The following RYR3 variants were observed in gnomAD, a reference collection of about 807,000 sequenced individuals.
The protein encoded by RYR3 is ryanodine receptor 3, also known as brain ryanodine receptor-calcium release channel.
A neutral mutation model predicts 584.3 loss-of-function variants in RYR3; 207 were observed. That is an observed-to-expected ratio of 0.35 (90% CI 0.32 to 0.40). The LOEUF (loss-of-function observed/expected upper bound fraction) is 0.40. Ranked by LOEUF, RYR3 falls within the 10% of genes least tolerant of loss-of-function variation. The pLI, the probability that RYR3 is intolerant of heterozygous loss-of-function variation, is 1.00. For synonymous variants in RYR3, 2,416 were observed against 2,248.5 expected (o/e 1.07, Z -2.11); for missense variants, 5,616 against 6,089.2 (o/e 0.92, Z 2.59).
At chr15:33,321,592 C>T (rs892678405) in intron 1 of RYR3, among the ~76,000 whole-genome samples, 1 of 152,142 alleles carries the variant, frequency 6.6e-6, no homozygotes, top group African/African-American at 2.4e-5. Flanking sequence ...GCTGATGGCA[C>T]CTTGTTTTTG....
intron 67 of RYR3, 85 bp downstream of exon 67, chr15:33,788,543 T>A: frequency 6.7e-7 from 1 of 1,495,710 alleles, no homozygotes. Flanking sequence ...TGGTGTTGGG[T>A]TGTTAACAGT....
intron 1 of RYR3, among the ~76,000 whole-genome samples, chr15:33,438,037 A>G (rs1567236313): frequency 6.6e-6 from 1 of 152,018 alleles, no homozygotes; most frequent in Non-Finnish European, 1.5e-5. Context: ...GTATTATTGT[A>G]TTTCTCTCTC....
intron 1 of RYR3, among the ~76,000 whole-genome samples, chr15:33,436,473 T>C (rs977381105): frequency 2.2e-4 from 34 of 152,092 alleles, no homozygotes; most frequent in Non-Finnish European, 3.7e-4. Flanking sequence ...TATGTGTTAC[T>C]TTATCTGCCT....
At chr15:33,592,135 C>T (rs1309571551) in intron 16 of RYR3, among the ~76,000 whole-genome samples, 1 of 152,182 alleles carries the variant, frequency 6.6e-6, no homozygotes. Context: ...AGGCCTAACT[C>T]CTGTGACACA....
rs2061184667 is a variant in RYR3, at chr15:33,629,934, A to G, written c.2680-6A>G. ...AAATCACATTCTTTCTTATGTCACC[A>G]CCTAGATACGAGATGACAATAAAAG... On this transcript the variant is annotated splice_region_variant and splice_polypyrimidine_tract_variant and intron_variant, in intron 21 of 103. Transcript: ENST00000634891. The G allele has an allele frequency of 6.6e-7, 1 of 1,524,746 alleles. No homozygotes were observed. The allele number at this position is 1,524,746 out of a possible 1,614,324, so 94.5% of individuals were successfully genotyped here. A position where few individuals can be genotyped will look rare whatever the true frequency, so the allele number is the denominator to read the frequency against.
chr15:33,604,281 G>A (rs1392693190), intron 18 of RYR3, among the ~76,000 whole-genome samples: 1 of 152,228 alleles, frequency 6.6e-6, no homozygotes, highest in Non-Finnish European at 1.5e-5. Context: ...ATTTTCTTCT[G>A]TAACTGGTAG....
At chr15:33,424,939 CAAG>C (rs568081346) in intron 1 of RYR3, among the ~76,000 whole-genome samples, 41 of 152,130 alleles carry the variant, frequency 2.7e-4, no homozygotes, top group Admixed American at 2.4e-3. Flanking sequence ...TTTTGAAAAA[CAAG>C]AAGAAGAAAA....
intron 1 of RYR3, among the ~76,000 whole-genome samples, chr15:33,399,351 C>A (rs948492955): frequency 6.6e-6 from 1 of 152,082 alleles, no homozygotes; most frequent in Non-Finnish European, 1.5e-5. Flanking sequence ...AAAAAGTGAA[C>A]CCTGAGGCCA....
intron 42 of RYR3, among the ~76,000 whole-genome samples, chr15:33,706,149 AT>A (rs1210584852): frequency 1.3e-5 from 2 of 152,182 alleles, no homozygotes; most frequent in Admixed American, 6.5e-5. Flanking sequence ...AAAAAAAAAA[AT>A]AAAAACTTGA....
At chr15:33,421,680 C>T (rs2044252928) in intron 1 of RYR3, among the ~76,000 whole-genome samples, 1 of 151,940 alleles carries the variant, frequency 6.6e-6, no homozygotes, top group South Asian at 2.1e-4. Flanking sequence ...CTGATGAGGC[C>T]CTAATTCATA....
At chr15:33,693,018 G>A (rs1485363083) in intron 38 of RYR3, among the ~76,000 whole-genome samples, 1 of 152,194 alleles carries the variant, frequency 6.6e-6, no homozygotes, top group African/African-American at 2.4e-5. Context: ...TTTCCAGTGT[G>A]GCAGGGACTG....
intron 1 of RYR3, among the ~76,000 whole-genome samples, chr15:33,365,043 G>C (rs1975293230): frequency 6.6e-6 from 1 of 152,172 alleles, no homozygotes; most frequent in South Asian, 2.1e-4. Context: ...ACTAAGAGGA[G>C]TATGACAGGG....
intron 67 of RYR3, among the ~76,000 whole-genome samples, chr15:33,797,628 C>A (rs75950062): frequency 0.015 from 2,304 of 152,124 alleles, 31 homozygotes; most frequent in Non-Finnish European, 0.025. Flanking sequence ...CAGCTGAAAC[C>A]GCATTCTCAC....
chr15:33,532,167 A>G lies in RYR3; in HGVS notation c.355-1144A>G, dbSNP rs373553274. Among the ~76,000 whole-genome samples the G allele has an allele frequency of 7.2e-5, 11 of 152,312 alleles. No individual in the cohort carries two copies. In the South Asian group the frequency reaches 1.9e-3, roughly 26 times the overall value. On this transcript the variant is annotated intron_variant, in intron 4 of 103. Transcript: ENST00000634891. ...AGTAGAACTGTGGCTTAGAAAGCAC[A>G]TCCCAAGAGCTTACCTGCCTCTCAG...
chr15:33,693,529 G>A (rs1309563029), intron 38 of RYR3, among the ~76,000 whole-genome samples: 1 of 152,240 alleles, frequency 6.6e-6, no homozygotes, highest in African/African-American at 2.4e-5. Flanking sequence ...AGAAGCATAA[G>A]AGGCATTCCC....
intron 69 of RYR3, among the ~76,000 whole-genome samples, chr15:33,803,296 G>T (rs1449363687): frequency 1.3e-5 from 2 of 152,312 alleles, no homozygotes; most frequent in East Asian, 1.9e-4. Context: ...TTGTGCTTTA[G>T]TTTTATTTGA....
chr15:33,741,145 C>T (rs561453036), intron 51 of RYR3, among the ~76,000 whole-genome samples: 1 of 152,324 alleles, frequency 6.6e-6, no homozygotes, highest in Non-Finnish European at 1.5e-5. Context: ...AGATTTATTC[C>T]AGTGTACCTG....
At chr15:33,401,004 C>CT (rs148547073) in intron 1 of RYR3, among the ~76,000 whole-genome samples, 10,499 of 152,208 alleles carry the variant, frequency 0.069, 539 homozygotes, top group East Asian at 0.23. Flanking sequence ...CCTGAAATAA[C>CT]TGTTGGTTCT....
chr15:33,480,933 G>A (rs2572181), intron 2 of RYR3, among the ~76,000 whole-genome samples: 67,476 of 151,950 alleles, frequency 0.44, 15,809 homozygotes, highest in Non-Finnish European at 0.52. Flanking sequence ...AGAGAAAGGT[G>A]TTAAAAACTA....
Sources: gnomAD v4.1 joint callset for allele counts (sites outside exome capture counted in the v4.1 genomes callset) on GRCh38, gnomAD v4.1.1 for gene constraint, MANE v1.5 for transcripts, NCBI Gene and HGNC (gene_info 2026-07-23, HGNC 2026-07-21) for gene names.